PDE4D: variants seen among roughly 807,000 people sequenced by gnomAD.
PDE4D encodes phosphodiesterase 4D, also known as 3',5'-cyclic-AMP phosphodiesterase 4D.
In PDE4D, 24 loss-of-function variants were observed where a neutral mutation model predicts 87.4. The observed-to-expected ratio is 0.27, with a 90% CI of 0.20 to 0.39. The LOEUF (loss-of-function observed/expected upper bound fraction) is 0.39, where lower values mean the gene tolerates loss of function less well. Among genes scored for constraint, PDE4D ranks in the 10% least tolerant of loss-of-function variants. PDE4D has a pLI of 1.00. For missense variants in PDE4D, 714 were observed against 1,041.0 expected, an observed-to-expected ratio of 0.69 and a Z score of 4.32; for synonymous variants, 384 against 383.2, an observed-to-expected ratio of 1.00 and a Z score of -0.02.
intron 1 of PDE4D, among the ~76,000 whole-genome samples, chr5:59,336,313 G>A (rs147051957): frequency 3.9e-5 from 6 of 152,306 alleles, no homozygotes; most frequent in Admixed American, 2.0e-4. Flanking sequence ...GGAAACTTTC[G>A]TAGAAAAAAT....
chr5:59,030,891 GGTTT>G (rs1226217847), intron 6 of PDE4D, among the ~76,000 whole-genome samples: 1 of 152,010 alleles, frequency 6.6e-6, no homozygotes, highest in Admixed American at 6.6e-5. Context: ...AGGATGTGCA[GGTTT>G]GTTACATAGG....
intron 1 of PDE4D, among the ~76,000 whole-genome samples, chr5:59,501,875 A>C (rs1443898267): frequency 6.6e-6 from 1 of 152,132 alleles, no homozygotes; most frequent in Non-Finnish European, 1.5e-5. Context: ...AGAATGTCTA[A>C]ATTTAATGGG....
At chr5:60,022,657 C>G (rs544813710) in intron 2 of PDE4D, 2 of 152,372 alleles carry the variant, frequency 1.3e-5, no homozygotes, top group East Asian at 3.9e-4. Flanking sequence ...GCTCCAGATA[C>G]AGCTGCGAAG....
intron 1 of PDE4D, among the ~76,000 whole-genome samples, chr5:59,705,905 T>G (rs1753325935): frequency 6.6e-6 from 1 of 152,158 alleles, no homozygotes; most frequent in African/African-American, 2.4e-5. Context: ...GCTCTGGAGT[T>G]AGATGGTCTG....
intron 2 of PDE4D, among the ~76,000 whole-genome samples, chr5:60,054,734 C>T (rs1451482805): frequency 1.3e-5 from 2 of 151,832 alleles, no homozygotes; most frequent in Non-Finnish European, 2.9e-5. Context: ...GTTCATAAGC[C>T]TTTTAAAGTA....
At chr5:60,166,963 T>C (rs891801908) in intron 2 of PDE4D, among the ~76,000 whole-genome samples, 3 of 152,202 alleles carry the variant, frequency 2.0e-5, no homozygotes, top group Admixed American at 6.5e-5. Context: ...TTTTCTCTTG[T>C]TGCTTTCAGG....
At chr5:60,451,078 A>C (rs1175433388) in intron 1 of PDE4D, among the ~76,000 whole-genome samples, 1 of 152,126 alleles carries the variant, frequency 6.6e-6, no homozygotes, top group Non-Finnish European at 1.5e-5. Context: ...TTCTTGGAGC[A>C]GACTCTTGAA....
intron 2 of PDE4D, among the ~76,000 whole-genome samples, chr5:59,990,951 A>G (rs1762947379): frequency 6.6e-6 from 1 of 152,204 alleles, no homozygotes; most frequent in African/African-American, 2.4e-5. Flanking sequence ...AATCTCTTCT[A>G]GTTAAAACTG....
chr5:60,507,459 T>C (rs1490630583), intron 1 of PDE4D, among the ~76,000 whole-genome samples: 1 of 152,242 alleles, frequency 6.6e-6, no homozygotes, highest in East Asian at 1.9e-4. Flanking sequence ...AATATCTTTA[T>C]ACATAATTTC....
At chr5:59,852,856 A>G (rs1367678462) in intron 1 of PDE4D, among the ~76,000 whole-genome samples, 2 of 151,990 alleles carry the variant, frequency 1.3e-5, no homozygotes, top group East Asian at 3.9e-4. Flanking sequence ...GTAGTATTTT[A>G]GGGGAGGTTT....
chr5:59,421,577 A>ACT (rs1381945774), intron 1 of PDE4D, among the ~76,000 whole-genome samples: 2 of 152,100 alleles, frequency 1.3e-5, no homozygotes, highest in Non-Finnish European at 2.9e-5. Context: ...AGTTTAGATA[A>ACT]CTCTGTAGTA....
intron 2 of PDE4D, among the ~76,000 whole-genome samples, chr5:60,079,049 T>C (rs927216412): frequency 1.3e-5 from 2 of 152,216 alleles, no homozygotes; most frequent in Admixed American, 1.3e-4. Context: ...CCAGCATCTG[T>C]CATTTCCTGA....
At chr5:59,237,158 G>A (rs1756620430) in intron 1 of PDE4D, among the ~76,000 whole-genome samples, 1 of 152,076 alleles carries the variant, frequency 6.6e-6, no homozygotes, top group African/African-American at 2.4e-5. Context: ...TGTGTAATAT[G>A]ACCTCCAGTT....
chr5:59,506,335 T>C (rs184301176), intron 1 of PDE4D, among the ~76,000 whole-genome samples: 2 of 152,154 alleles, frequency 1.3e-5, no homozygotes, highest in Admixed American at 6.5e-5. Flanking sequence ...AATTCTTATA[T>C]CCTGAGTTAG....
At chr5:59,102,320 A>T (rs1770890234) in intron 5 of PDE4D, among the ~76,000 whole-genome samples, 1 of 151,932 alleles carries the variant, frequency 6.6e-6, no homozygotes, top group African/African-American at 2.4e-5. Flanking sequence ...TCCCGACCTC[A>T]GGTGATCTGC....
intron 1 of PDE4D, among the ~76,000 whole-genome samples, chr5:59,516,851 C>T (rs996108812): frequency 4.6e-5 from 7 of 151,984 alleles, no homozygotes; most frequent in South Asian, 2.1e-4. Flanking sequence ...TCAAAAAACA[C>T]GAGAGCTTTT....
At chr5:59,977,985 C>T (rs1006718290) in intron 3 of PDE4D, among the ~76,000 whole-genome samples, 7 of 152,080 alleles carry the variant, frequency 4.6e-5, no homozygotes, top group Admixed American at 3.3e-4. Flanking sequence ...ATATTTTGAG[C>T]CCACTGTTGA....
intron 1 of PDE4D, among the ~76,000 whole-genome samples, chr5:59,746,155 G>C (rs1476365563): frequency 2.6e-5 from 4 of 152,076 alleles, no homozygotes; most frequent in South Asian, 2.1e-4. Context: ...TCAAGAACAG[G>C]ATTTTGTGTC....
rs576398051 is a variant in PDE4D, at chr5:59,436,760, C to A, written c.456-220792G>T. 1.4e-4 allele frequency among the ~76,000 whole-genome samples: 22 copies of A among 152,244 alleles called. No homozygotes were observed. The South Asian group carries it at 4.6e-3, about 32-fold the overall frequency. On this transcript the variant is annotated intron_variant, in intron 1 of 14. Coordinates refer to ENST00000340635, the MANE Select transcript of PDE4D (RefSeq NM_001104631.2). ...TGCTTTATTCTCCAGCTAATGGAGC[C>A]TCTTTGAGAGCGGTTTCTCTCAAAA...
Sources: gnomAD v4.1 joint callset for allele counts (sites outside exome capture counted in the v4.1 genomes callset) on GRCh38, gnomAD v4.1.1 for gene constraint, MANE v1.5 for transcripts, NCBI Gene and HGNC (gene_info 2026-07-23, HGNC 2026-07-21) for gene names.